Variants in DIPK1A observed in about 807,000 individuals in gnomAD.
DIPK1A encodes the protein divergent protein kinase domain 1A, also known as family with sequence similarity 69 member A.
DIPK1A carries 27 observed loss-of-function variants against 40.8 expected under a neutral mutation model. The ratio of observed to expected loss-of-function variants is 0.66; its 90% CI spans 0.49 to 0.91. The LOEUF (loss-of-function observed/expected upper bound fraction) is 0.91. Among genes scored for constraint, DIPK1A ranks in the 40% least tolerant of loss-of-function variants. The probability of loss-of-function intolerance (pLI) is 0.00; values close to 1 mark genes in which losing one functional copy is unlikely to be tolerated. For synonymous variants in DIPK1A, 166 were observed against 171.3 expected, an observed-to-expected ratio of 0.97 and a Z score of 0.24; for missense variants, 412 against 505.7, an observed-to-expected ratio of 0.81 and a Z score of 1.78.
intron 1 of DIPK1A, among the ~76,000 whole-genome samples, chr1:92,924,421 G>A (rs1190733622): frequency 6.6e-6 from 1 of 151,762 alleles, no homozygotes; most frequent in African/African-American, 2.4e-5. Flanking sequence ...CAATTCTGTC[G>A]CTGTTCAGGG....
At chr1:92,849,525 T>G (rs1260845196) in intron 3 of DIPK1A, among the ~76,000 whole-genome samples, 1 of 151,838 alleles carries the variant, frequency 6.6e-6, no homozygotes. Context: ...TACATATATA[T>G]TTTTTGAGAC....
intron 1 of DIPK1A, among the ~76,000 whole-genome samples, chr1:92,885,703 T>C (rs149196180): frequency 6.6e-6 from 1 of 152,222 alleles, no homozygotes; most frequent in East Asian, 1.9e-4. Context: ...AATACTTAGT[T>C]TGTTAAGCAA....
At chr1:92,882,053 T>C (rs1200553991) in intron 1 of DIPK1A, among the ~76,000 whole-genome samples, 1 of 152,158 alleles carries the variant, frequency 6.6e-6, no homozygotes, top group Non-Finnish European at 1.5e-5. Context: ...ACATTATAAT[T>C]ATAAAGCAAA....
At chr1:92,900,076 T>G (rs996958933) in intron 1 of DIPK1A, among the ~76,000 whole-genome samples, 1 of 152,150 alleles carries the variant, frequency 6.6e-6, no homozygotes, top group Non-Finnish European at 1.5e-5. Flanking sequence ...CTTTTGACAA[T>G]TTGACTGTAA....
intron 1 of DIPK1A, among the ~76,000 whole-genome samples, chr1:92,886,291 A>G (rs1364957999): frequency 1.3e-5 from 2 of 152,022 alleles, no homozygotes; most frequent in Non-Finnish European, 2.9e-5. Context: ...ATGATGTGCT[A>G]CTGTACTCCA....
exon 5 of DIPK1A, chr1:92,832,931 C>T (rs901616013): frequency 3.8e-5 from 26 of 682,158 alleles, no homozygotes; most frequent in Non-Finnish European, 6.1e-5. Context: ...GCTAGGTTTT[C>T]GAAGTGGGAC....
chr1:92,902,470 A>G (rs897001560), intron 1 of DIPK1A, among the ~76,000 whole-genome samples: 2 of 152,202 alleles, frequency 1.3e-5, no homozygotes, highest in East Asian at 3.9e-4. Context: ...ACCGGCTCCA[A>G]GATGGCATAG....
intron 2 of DIPK1A, among the ~76,000 whole-genome samples, chr1:92,867,890 G>C (rs1647635949): frequency 6.6e-6 from 1 of 152,134 alleles, no homozygotes; most frequent in Non-Finnish European, 1.5e-5. Flanking sequence ...TGCTCTCAAT[G>C]GAACAGCTAC....
At chr1:92,900,756 CT>C (rs1001120809) in intron 1 of DIPK1A, among the ~76,000 whole-genome samples, 3 of 152,200 alleles carry the variant, frequency 2.0e-5, no homozygotes, top group African/African-American at 7.2e-5. Context: ...GCCCTGCCCC[CT>C]AGGGTAGAAT....
chr1:92,873,306 C>A (rs557564237), intron 2 of DIPK1A, among the ~76,000 whole-genome samples: 1 of 152,146 alleles, frequency 6.6e-6, no homozygotes, highest in South Asian at 2.1e-4. Context: ...AAAAACTAGG[C>A]CCACCTCTTT....
At position 92,834,819 on chromosome 1, in the gene DIPK1A, C is replaced by T. The variant is rs14361; in HGVS notation, c.475-1785G>A. 5 of 1,612,622 alleles carry T rather than the reference C, an allele frequency of 3.1e-6. No homozygotes were observed. In the African/African-American group the frequency reaches 5.3e-5, roughly 17 times the overall value. Reference sequence around the variant, plus strand: ...ATAGAGGGGGATATGATAGTCTGCGCAGCGTATGCACACGAACTGCCAAAA... The same window carrying T: ...ATAGAGGGGGATATGATAGTCTGCGTAGCGTATGCACACGAACTGCCAAAA... On this transcript the variant is annotated intron_variant, in intron 4 of 4. Transcript: ENST00000615519.
chr1:92,843,297 G>A lies in DIPK1A; in HGVS notation c.*86C>T. On this transcript the variant is annotated 3_prime_UTR_variant, in exon 5 of 5. Coordinates refer to ENST00000370310, the MANE Select transcript of DIPK1A (RefSeq NM_001006605.5). ...GGGAAGGAGTTTTGTGTAACTGGCC[G>A]GAATTTGAAGCCATTTTTTTTTAAT... The A allele has an allele frequency of 8.2e-6, 12 of 1,455,352 alleles. No homozygotes were observed. The South Asian group carries it at 1.5e-4, about 19-fold the overall frequency. 90.2% of individuals were successfully genotyped at this position (1,455,352 alleles called of 1,614,324 possible). A position where few individuals can be genotyped will look rare whatever the true frequency, so the allele number is the denominator to read the frequency against.
At chr1:92,895,343 G>A (rs2100811096) in intron 1 of DIPK1A, among the ~76,000 whole-genome samples, 1 of 152,206 alleles carries the variant, frequency 6.6e-6, no homozygotes, top group East Asian at 1.9e-4. Flanking sequence ...TGCAAGGCTG[G>A]TTCAACATAT....
chr1:92,910,333 T>C (rs1338209579), intron 1 of DIPK1A, among the ~76,000 whole-genome samples: 2 of 152,202 alleles, frequency 1.3e-5, no homozygotes, highest in Non-Finnish European at 2.9e-5. Flanking sequence ...CATTCTTTAA[T>C]TGTACGTTGC....
intron 1 of DIPK1A, among the ~76,000 whole-genome samples, chr1:92,940,611 C>T (rs1209721723): frequency 6.6e-6 from 1 of 152,164 alleles, no homozygotes; most frequent in African/African-American, 2.4e-5. Context: ...GTTTTAAACT[C>T]TAGCATTTTT....
At chr1:92,881,172 C>CAAAAAA (rs71094212) in intron 1 of DIPK1A, among the ~76,000 whole-genome samples, 1 of 50,702 alleles carries the variant, frequency 2.0e-5, no homozygotes, top group African/African-American at 7.7e-5. Context: ...GACTCGGTCT[C>CAAAAAA]AAAAAAAAAA....
At chr1:92,869,152 CTATTATTAT>C (rs10688368) in intron 2 of DIPK1A, among the ~76,000 whole-genome samples, 4 of 146,302 alleles carry the variant, frequency 2.7e-5, no homozygotes, top group South Asian at 2.2e-4. Context: ...AAATATTACA[CTATTATTAT>C]TATTATTATT....
intron 1 of DIPK1A, among the ~76,000 whole-genome samples, chr1:92,885,759 A>C (rs907045206): frequency 6.6e-6 from 1 of 152,198 alleles, no homozygotes; most frequent in Non-Finnish European, 1.5e-5. Context: ...TTAGAGCTAG[A>C]AGAGTTTTCA....
intron 1 of DIPK1A, among the ~76,000 whole-genome samples, chr1:92,959,903 C>CATTTTTTTTTTTT (rs1651998956): frequency 2.1e-5 from 1 of 47,892 alleles, no homozygotes; most frequent in African/African-American, 1.1e-4. Context: ...ACCCAACCAA[C>CATTTTTTTTTTTT]TTTTTTTTTT....
Sources: allele counts gnomAD v4.1 joint callset (sites outside exome capture counted in the v4.1 genomes callset), GRCh38; gene constraint gnomAD v4.1.1; transcripts MANE v1.5; gene names NCBI Gene and HGNC (gene_info 2026-07-23, HGNC 2026-07-21).